CTNNA2: variants seen among roughly 807,000 people sequenced by gnomAD.
CTNNA2 encodes catenin alpha 2.
Under a neutral mutation model 101.0 loss-of-function variants are expected in CTNNA2, and 42 were observed. That is an observed-to-expected ratio of 0.42 (90% confidence interval 0.32 to 0.54). The LOEUF is 0.54. Ranked by LOEUF, CTNNA2 falls within the 20% of genes least tolerant of loss-of-function variation. The pLI, the probability that CTNNA2 is intolerant of heterozygous loss-of-function variation, is 0.14. For missense variants in CTNNA2, 871 were observed against 1,223.1 expected, an observed-to-expected ratio of 0.71 and a Z score of 4.29; for synonymous variants, 450 against 456.4, an observed-to-expected ratio of 0.99 and a Z score of 0.18.
In CTNNA2 at chr2:79,874,203, C is replaced by G. The variant is rs778779809; in HGVS notation, c.713C>G (p.Ala238Gly). 2 of 1,614,008 alleles carry G rather than the reference C, an allele frequency of 1.2e-6. No homozygotes were observed. The highest frequency in any genetic ancestry group is 1.7e-6 in the Non-Finnish European group (2 of 1,180,044). ...CACCCAGATGTCGCCGCTACGAGAG[C>G]CAACCGAGATTATGTGTTCAAACAA... ...LRHPDVAATR[A>G]NRDYVFKQVQ... The change falls in exon 6 of 19, where the codon GCC becomes GGC. Residue 238 changes from alanine to glycine, a missense_variant. Coordinates refer to ENST00000402739, the MANE Select transcript of CTNNA2 (RefSeq NM_001282597.3).
At chr2:80,131,251 A>G (rs1702400036) in intron 7 of CTNNA2, among the ~76,000 whole-genome samples, 1 of 152,004 alleles carries the variant, frequency 6.6e-6, no homozygotes, top group African/African-American at 2.4e-5. Context: ...TAGACACGAG[A>G]TTTCACTGTG....
At chr2:80,573,721 CT>C (rs1196860723) in intron 12 of CTNNA2, among the ~76,000 whole-genome samples, 2 of 152,118 alleles carry the variant, frequency 1.3e-5, no homozygotes, top group East Asian at 3.9e-4. Flanking sequence ...CCACCCAAAA[CT>C]TTTTTGCATT....
At chr2:80,443,903 G>A (rs182660325) in intron 9 of CTNNA2, among the ~76,000 whole-genome samples, 1 of 152,320 alleles carries the variant, frequency 6.6e-6, no homozygotes, top group Admixed American at 6.5e-5. Context: ...ACCAAATGGG[G>A]CACATCACAT....
At chr2:79,242,015 C>G (rs924702701) in intron 2 of CTNNA2, among the ~76,000 whole-genome samples, 1 of 152,108 alleles carries the variant, frequency 6.6e-6, no homozygotes, top group Non-Finnish European at 1.5e-5. Context: ...ACGCCATTCT[C>G]CTGCCTCAGC....
At chr2:80,389,423 C>G (rs1332946342) in intron 7 of CTNNA2, among the ~76,000 whole-genome samples, 1 of 152,084 alleles carries the variant, frequency 6.6e-6, no homozygotes, top group Non-Finnish European at 1.5e-5. Context: ...TCCTTCCTCC[C>G]TCCTCACTAT....
intron 9 of CTNNA2, among the ~76,000 whole-genome samples, chr2:80,502,276 C>T (rs1687935063): frequency 6.6e-6 from 1 of 152,154 alleles, no homozygotes; most frequent in South Asian, 2.1e-4. Context: ...AATTTTCAAG[C>T]TTACTTCTCT....
At chr2:79,935,580 T>A (rs1300781639) in intron 7 of CTNNA2, among the ~76,000 whole-genome samples, 1 of 152,150 alleles carries the variant, frequency 6.6e-6, no homozygotes, top group Non-Finnish European at 1.5e-5. Flanking sequence ...TGGCTCACCT[T>A]GTTCAATGCT....
chr2:80,189,077 C>T (rs1024752073), intron 7 of CTNNA2, among the ~76,000 whole-genome samples: 6 of 151,404 alleles, frequency 4.0e-5, no homozygotes, highest in African/African-American at 7.3e-5. Context: ...CTCAGCCTTC[C>T]GAGTAGCTGG....
At chr2:79,646,991 C>G (rs1249393585) in intron 1 of CTNNA2, among the ~76,000 whole-genome samples, 2 of 152,216 alleles carry the variant, frequency 1.3e-5, no homozygotes, top group African/African-American at 2.4e-5. Context: ...TTCTAAGTCT[C>G]TCTACCAAAG....
chr2:80,584,698 C>A (rs1695824155), intron 14 of CTNNA2, among the ~76,000 whole-genome samples: 1 of 152,058 alleles, frequency 6.6e-6, no homozygotes, highest in South Asian at 2.1e-4. Flanking sequence ...CTTTCTTAAC[C>A]TCTCCACACT....
intron 7 of CTNNA2, among the ~76,000 whole-genome samples, chr2:79,924,035 T>G (rs551872527): frequency 1.3e-5 from 2 of 152,254 alleles, no homozygotes; most frequent in East Asian, 3.9e-4. Context: ...GCAGCATTAT[T>G]CACAACAGTC....
chr2:79,420,074 A>G (rs1157570720), intron 4 of CTNNA2, among the ~76,000 whole-genome samples: 1 of 152,100 alleles, frequency 6.6e-6, no homozygotes, highest in Non-Finnish European at 1.5e-5. Flanking sequence ...TTGGCCTCCC[A>G]AGAACCCTCC....
chr2:80,298,723 G>A (rs112065940), intron 7 of CTNNA2: 2 of 152,350 alleles, frequency 1.3e-5, no homozygotes, highest in African/African-American at 4.8e-5. Context: ...ACTTTGATGA[G>A]TTCAGAAGAA....
chr2:80,560,507 T>C (rs1693486775), intron 12 of CTNNA2, among the ~76,000 whole-genome samples: 2 of 152,194 alleles, frequency 1.3e-5, no homozygotes, highest in South Asian at 4.1e-4. Flanking sequence ...TTGCGTAATA[T>C]ATGCATCACT....
intron 7 of CTNNA2, among the ~76,000 whole-genome samples, chr2:80,041,365 C>A (rs371211542): frequency 6.6e-6 from 1 of 151,448 alleles, no homozygotes; most frequent in African/African-American, 2.4e-5. Flanking sequence ...CTATTCTTAA[C>A]GTGTTTAAGA....
chr2:79,359,990 A>G (rs569118397), intron 3 of CTNNA2, among the ~76,000 whole-genome samples: 3 of 152,288 alleles, frequency 2.0e-5, no homozygotes, highest in South Asian at 4.1e-4. Flanking sequence ...GTAATTTAGA[A>G]TTTATCTAGT....
chr2:79,660,100 T>C (rs1471421403), intron 2 of CTNNA2, among the ~76,000 whole-genome samples: 1 of 151,948 alleles, frequency 6.6e-6, no homozygotes, highest in Non-Finnish European at 1.5e-5. Flanking sequence ...TAAATACATA[T>C]GTATATATAC....
intron 2 of CTNNA2, among the ~76,000 whole-genome samples, chr2:79,309,082 T>C (rs184889220): frequency 6.6e-6 from 1 of 152,148 alleles, no homozygotes; most frequent in Non-Finnish European, 1.5e-5. Flanking sequence ...TCTCTTGGTC[T>C]ATTTCTCTCT....
intron 7 of CTNNA2, among the ~76,000 whole-genome samples, chr2:80,089,340 A>G (rs1161793938): frequency 6.6e-6 from 1 of 151,958 alleles, no homozygotes; most frequent in Non-Finnish European, 1.5e-5. Flanking sequence ...AAGCCAAAGA[A>G]AGGAGTCCCT....
Sources: allele counts gnomAD v4.1 joint callset (sites outside exome capture counted in the v4.1 genomes callset), GRCh38; gene constraint gnomAD v4.1.1; transcripts MANE v1.5; gene names NCBI Gene and HGNC (gene_info 2026-07-23, HGNC 2026-07-21).